Variants in SATB2 observed in about 807,000 individuals in gnomAD.
SATB2 encodes the protein DNA-binding protein SATB2.
Under a neutral mutation model 73.4 loss-of-function variants are expected in SATB2, and 1 was observed. The ratio of observed to expected loss-of-function variants is 0.01; its 90% CI spans 0.00 to 0.06. The LOEUF (loss-of-function observed/expected upper bound fraction) is 0.06. Among genes scored for constraint, SATB2 ranks in the 10% least tolerant of loss-of-function variants. The pLI is 1.00. For synonymous variants in SATB2, 397 were observed against 367.0 expected (o/e 1.08, Z -0.93); for missense variants, 459 against 945.8 (o/e 0.49, Z 6.75).
intron 3 of SATB2, among the ~76,000 whole-genome samples, chr2:199,426,910 C>T (rs1237020031): frequency 7.2e-5 from 11 of 151,978 alleles, no homozygotes; most frequent in Non-Finnish European, 1.0e-4. Flanking sequence ...CTCTGTCGCC[C>T]AGGATGGAGT....
At chr2:199,459,775 A>G (rs1353311868), upstream of SATB2, 1 of 152,606 alleles carries the variant, frequency 6.6e-6, no homozygotes, top group Non-Finnish European at 1.5e-5. This position sits in a 1 kb window ranked among gnomAD's most constrained non-coding sequence, Gnocchi z 4.2. Context: ...CAGTTCTGTA[A>G]ATCCCTGCTG....
intron 10 of SATB2, among the ~76,000 whole-genome samples, chr2:199,279,832 T>C (rs971238228): frequency 6.6e-6 from 1 of 152,178 alleles, no homozygotes; most frequent in African/African-American, 2.4e-5. Flanking sequence ...ATTATCCTAC[T>C]AAAAGTTCCA....
In SATB2 at chr2:199,286,267, A is replaced by T. The variant is rs77931848; in HGVS notation, c.1741-13595T>A. On this transcript the variant is annotated intron_variant, in intron 10 of 10. Coordinates refer to ENST00000417098, the MANE Select transcript of SATB2 (RefSeq NM_001172509.2). ...AGATGAGGAACTATATCAAATAGCTATGAAGAGAGTATAGAAAACAATCCA... is the reference window on the plus strand; with the variant it reads ...AGATGAGGAACTATATCAAATAGCTTTGAAGAGAGTATAGAAAACAATCCA... Among the ~76,000 whole-genome samples, 318 of 152,328 alleles carry T rather than the reference A, an allele frequency of 2.1e-3. 1 individual carries two copies. Among genetic ancestry groups the T allele is most frequent in the African/African-American group, 5.3e-3 (221 of 41,584 alleles).
At chr2:199,411,623 T>C (rs1473049928) in intron 3 of SATB2, among the ~76,000 whole-genome samples, 3 of 151,912 alleles carry the variant, frequency 2.0e-5, no homozygotes, top group African/African-American at 7.3e-5. Flanking sequence ...AGTGACAGAG[T>C]CAAGGTATAA....
At chr2:199,398,349 A>T (rs949344543) in intron 3 of SATB2, among the ~76,000 whole-genome samples, 1 of 152,176 alleles carries the variant, frequency 6.6e-6, no homozygotes, top group Admixed American at 6.5e-5. Context: ...ACATACCCCC[A>T]AAATATGCTC....
intron 10 of SATB2, among the ~76,000 whole-genome samples, chr2:199,290,554 C>A (rs749862398): frequency 6.6e-6 from 1 of 152,112 alleles, no homozygotes; most frequent in Non-Finnish European, 1.5e-5. Flanking sequence ...ACACTTATTA[C>A]CGAAAAGAGC....
intron 7 of SATB2, among the ~76,000 whole-genome samples, chr2:199,336,811 TTATGAG>T (rs1177801000): frequency 6.6e-6 from 1 of 152,186 alleles, no homozygotes; most frequent in African/African-American, 2.4e-5. Context: ...AATAAAGTAG[TTATGAG>T]TATGAGTCAT....
At chr2:199,454,640 C>T (rs975876686) in intron 2 of SATB2, among the ~76,000 whole-genome samples, 1 of 152,156 alleles carries the variant, frequency 6.6e-6, no homozygotes, top group Non-Finnish European at 1.5e-5. Context: ...AGGATGAATA[C>T]TTCTCAAGTG....
chr2:199,439,977 C>T (rs1042337769), intron 2 of SATB2, among the ~76,000 whole-genome samples: 1 of 151,978 alleles, frequency 6.6e-6, no homozygotes, highest in African/African-American at 2.4e-5. Flanking sequence ...TGGTGGCAGG[C>T]GCCTGTAATC....
chr2:199,379,002 T>C (rs979019560), intron 5 of SATB2, among the ~76,000 whole-genome samples: 1 of 152,200 alleles, frequency 6.6e-6, no homozygotes, highest in African/African-American at 2.4e-5. Flanking sequence ...ATTTCTGTAA[T>C]AGGTTTCTCA....
At chr2:199,409,880 T>C (rs986794624) in intron 3 of SATB2, among the ~76,000 whole-genome samples, 29 of 152,312 alleles carry the variant, frequency 1.9e-4, no homozygotes, top group Admixed American at 7.8e-4. Flanking sequence ...ATCTTCACAA[T>C]GTAATGATAC....
chr2:199,443,806 C>A (rs114806023), intron 2 of SATB2, among the ~76,000 whole-genome samples: 2,624 of 152,054 alleles, frequency 0.017, 98 homozygotes, highest in African/African-American at 0.061. Flanking sequence ...AAAGGGCTAA[C>A]GCTGAAAGGA....
upstream of SATB2, among the ~76,000 whole-genome samples, chr2:199,460,186 G>T (rs1692443222): frequency 1.3e-5 from 2 of 152,134 alleles, no homozygotes; most frequent in Non-Finnish European, 2.9e-5. The surrounding 1 kb of genome is among the most constrained non-coding windows in gnomAD (Gnocchi z 4.0). Flanking sequence ...AAGAGTGGGA[G>T]AAAATGCACA....
intron 9 of SATB2, among the ~76,000 whole-genome samples, chr2:199,321,365 G>GTCTATACATAGACATATATATGTCTATA (rs1559160006): frequency 1.3e-5 from 2 of 149,898 alleles, no homozygotes; most frequent in African/African-American, 5.0e-5. Flanking sequence ...AGATATATAT[G>GTCTATACATAGACATATATATGTCTATA]TATGTCTATA....
chr2:199,466,132 G>C (rs1692587935), upstream of SATB2, among the ~76,000 whole-genome samples: 1 of 152,190 alleles, frequency 6.6e-6, no homozygotes, highest in Non-Finnish European at 1.5e-5. Flanking sequence ...GAGACCCGGA[G>C]TTACTTGGAG....
At chr2:199,407,230 G>A (rs1690658296) in intron 3 of SATB2, among the ~76,000 whole-genome samples, 1 of 134,374 alleles carries the variant, frequency 7.4e-6, no homozygotes, top group Non-Finnish European at 1.5e-5. Flanking sequence ...AGGTTGCAGT[G>A]AACTGAAATG....
At chr2:199,281,906 G>A (rs1270810166) in intron 10 of SATB2, among the ~76,000 whole-genome samples, 1 of 149,216 alleles carries the variant, frequency 6.7e-6, no homozygotes, top group Non-Finnish European at 1.5e-5. Flanking sequence ...TTTTGAGACA[G>A]GGTCTTGCTC....
At chr2:199,441,885 G>T (rs923979819) in intron 2 of SATB2, among the ~76,000 whole-genome samples, 6 of 152,172 alleles carry the variant, frequency 3.9e-5, no homozygotes, top group Non-Finnish European at 8.8e-5. Flanking sequence ...TATTTCATGG[G>T]CACATAGGAG....
At chr2:199,462,371 G>A (rs73067581), upstream of SATB2, among the ~76,000 whole-genome samples, 3,407 of 152,226 alleles carry the variant, frequency 0.022, 124 homozygotes, top group African/African-American at 0.077. This position sits in a 1 kb window ranked among gnomAD's most constrained non-coding sequence, Gnocchi z 5.9. Context: ...ACACTTTCTC[G>A]GACGGCATAA....
Sources: allele counts gnomAD v4.1 joint callset (sites outside exome capture counted in the v4.1 genomes callset), GRCh38; gene constraint gnomAD v4.1.1; non-coding constraint Gnocchi (gnomAD v3.1); transcripts MANE v1.5; gene names NCBI Gene and HGNC (gene_info 2026-07-23, HGNC 2026-07-21).